The following TRHDE variants were observed in gnomAD, a reference collection of about 807,000 sequenced individuals.
TRHDE encodes the protein thyrotropin releasing hormone degrading enzyme, also known as thyrotropin-releasing hormone-degrading ectoenzyme.
Under a neutral mutation model 125.7 loss-of-function variants are expected in TRHDE, and 72 were observed. That is an observed-to-expected ratio of 0.57 (90% CI 0.47 to 0.70). The LOEUF is 0.70. TRHDE is among the 30% of genes least tolerant of loss of function. The pLI is 0.00. For missense variants in TRHDE, 1,110 were observed against 1,327.1 expected, an observed-to-expected ratio of 0.84 and a Z score of 2.54; for synonymous variants, 509 against 509.1, an observed-to-expected ratio of 1.00 and a Z score of 0.00.
At chr12:72,316,561 G>A (rs1017929798) in intron 2 of TRHDE, among the ~76,000 whole-genome samples, 4 of 152,042 alleles carry the variant, frequency 2.6e-5, no homozygotes, top group African/African-American at 9.7e-5. Flanking sequence ...ACCTCATTCC[G>A]AAAGGAAAGT....
At position 72,670,542 on chromosome 12, in the gene TRHDE, T is replaced by A. The variant is rs1875221874; in HGVS notation, c.*7347T>A. On this transcript the variant is annotated 3_prime_UTR_variant, in exon 19 of 19. Coordinates refer to ENST00000261180, the MANE Select transcript of TRHDE (RefSeq NM_013381.3). The stretch of plus-strand genomic sequence containing the variant: ...CCAAAATAAATAATACCATCTGTTT[T>A]TTTCACTTGAAAATACATTTTTAAA... The A allele has an allele frequency of 6.6e-6, 1 of 151,740 alleles. No individual in the cohort carries two copies. The highest frequency in any genetic ancestry group is 2.1e-4 in the South Asian group (1 of 4,836). The allele number at this position is 151,740 out of a possible 1,614,324, so 9.4% of individuals were successfully genotyped here.
intron 6 of TRHDE, among the ~76,000 whole-genome samples, chr12:72,538,578 A>G (rs1868985403): frequency 6.6e-6 from 1 of 152,038 alleles, no homozygotes; most frequent in East Asian, 1.9e-4. Flanking sequence ...CAATTTATCT[A>G]TTCAATCGTA....
At position 72,383,298 on chromosome 12, in the gene TRHDE, T is replaced by C. The variant is rs768938556; in HGVS notation, c.1315+5177T>C. Among the ~76,000 whole-genome samples, 100 of 152,040 alleles carry C rather than the reference T, an allele frequency of 6.6e-4. 1 individual carries two copies. Among genetic ancestry groups the C allele is most frequent in the Middle Eastern group, 6.8e-3 (2 of 294 alleles). On this transcript the variant is annotated intron_variant, in intron 3 of 18. Coordinates refer to ENST00000261180, the MANE Select transcript of TRHDE (RefSeq NM_013381.3). ...TTTTTATATCCCAAAAGCATATCGA[T>C]AACAATGACAACTATTTGTGTTTAC...
intron 2 of TRHDE, among the ~76,000 whole-genome samples, chr12:72,210,570 G>T (rs1300430012): frequency 6.6e-6 from 1 of 152,092 alleles, no homozygotes. Flanking sequence ...AATATGAAAT[G>T]AATATATGTC....
At chr12:72,374,891 G>C (rs1406943043) in intron 2 of TRHDE, among the ~76,000 whole-genome samples, 2 of 152,174 alleles carry the variant, frequency 1.3e-5, no homozygotes, top group Admixed American at 1.3e-4. Flanking sequence ...GTCTCAGGTT[G>C]TAAGTATTCT....
chr12:72,654,626 T>A (rs1362073716), intron 17 of TRHDE, among the ~76,000 whole-genome samples: 1 of 152,140 alleles, frequency 6.6e-6, no homozygotes, highest in East Asian at 1.9e-4. Flanking sequence ...TCTTTTATCC[T>A]CCTTTTCTCA....
intron 7 of TRHDE, among the ~76,000 whole-genome samples, chr12:72,558,537 G>A (rs1870028129): frequency 6.6e-6 from 1 of 152,114 alleles, no homozygotes; most frequent in Non-Finnish European, 1.5e-5. Context: ...AAGGAGTTTG[G>A]ACTATATTCT....
At chr12:72,639,871 C>T (rs1455795146) in intron 15 of TRHDE, among the ~76,000 whole-genome samples, 5 of 152,142 alleles carry the variant, frequency 3.3e-5, no homozygotes, top group African/African-American at 4.8e-5. Context: ...CTCAGATCTC[C>T]AGCTGCGTGC....
chr12:72,222,827 C>G (rs634057), intron 2 of TRHDE, among the ~76,000 whole-genome samples: 1 of 152,080 alleles, frequency 6.6e-6, no homozygotes, highest in Non-Finnish European at 1.5e-5. Context: ...TTCAGCCAGC[C>G]TGCACCTCTA....
At chr12:72,107,540 T>C (rs1288559399) in intron 2 of TRHDE, among the ~76,000 whole-genome samples, 1 of 152,170 alleles carries the variant, frequency 6.6e-6, no homozygotes, top group Admixed American at 6.6e-5. Flanking sequence ...AGGTGAACTC[T>C]CTTTCTGAAC....
intron 15 of TRHDE, among the ~76,000 whole-genome samples, chr12:72,650,364 G>T (rs945273102): frequency 7.9e-5 from 12 of 152,118 alleles, no homozygotes; most frequent in African/African-American, 2.9e-4. Flanking sequence ...GTTGCCAGGG[G>T]CTGGGTACTT....
At chr12:72,207,370 T>C (rs1243524894) in intron 2 of TRHDE, among the ~76,000 whole-genome samples, 3 of 152,114 alleles carry the variant, frequency 2.0e-5, no homozygotes, top group Non-Finnish European at 4.4e-5. Flanking sequence ...AATTAAAAGG[T>C]CACAGTTGAA....
chr12:72,469,632 C>G, intron 3 of TRHDE, 126 bp from the exon 4 acceptor site: 1 of 1,041,832 alleles, frequency 9.6e-7, no homozygotes, highest in South Asian at 1.5e-5. Flanking sequence ...GTTTAATTTG[C>G]CAAAAAAATC....
chr12:72,575,399 G>T lies in TRHDE; in HGVS notation c.2265+11G>T. Reference sequence around the variant, plus strand: ...ATCCGGAATCATGAGGTACACTCCAGATTTGCTTATCAAAGATAATTTTTG... The same window carrying T: ...ATCCGGAATCATGAGGTACACTCCATATTTGCTTATCAAAGATAATTTTTG... On this transcript the variant is annotated intron_variant, in intron 11 of 18. Transcript: ENST00000261180. The T allele has an allele frequency of 6.2e-7, 1 of 1,613,524 alleles. No individual in the cohort carries two copies. The highest frequency in any genetic ancestry group is 8.5e-7 in the Non-Finnish European group (1 of 1,179,660).
chr12:72,480,072 T>C (rs1295691264), intron 5 of TRHDE, among the ~76,000 whole-genome samples: 3 of 150,956 alleles, frequency 2.0e-5, no homozygotes, highest in African/African-American at 7.3e-5. Flanking sequence ...TTGTTGGACA[T>C]TTGGGTTGGT....
intron 2 of TRHDE, among the ~76,000 whole-genome samples, chr12:72,139,776 A>G (rs552151074): frequency 6.6e-6 from 1 of 152,192 alleles, no homozygotes; most frequent in Admixed American, 6.5e-5. Context: ...CCCCCAACCA[A>G]CCGAATGGAC....
intron 12 of TRHDE, among the ~76,000 whole-genome samples, chr12:72,615,933 T>C (rs185567667): frequency 7.1e-4 from 108 of 152,204 alleles, no homozygotes; most frequent in Admixed American, 2.0e-3. Flanking sequence ...AAATAGCTAA[T>C]GGGAGATGTC....
At chr12:72,270,620 T>A (rs757221826), upstream of TRHDE, among the ~76,000 whole-genome samples, 1 of 150,706 alleles carries the variant, frequency 6.6e-6, no homozygotes, top group African/African-American at 2.5e-5. Context: ...GAAAGAAACA[T>A]GTAAAAAGGA....
intron 2 of TRHDE, among the ~76,000 whole-genome samples, chr12:72,331,995 G>A (rs1317067953): frequency 6.6e-6 from 1 of 152,168 alleles, no homozygotes; most frequent in Non-Finnish European, 1.5e-5. Flanking sequence ...TCACTGTTCT[G>A]TAGGCTTTAC....
Sources: gnomAD v4.1 joint callset for allele counts (sites outside exome capture counted in the v4.1 genomes callset) on GRCh38, gnomAD v4.1.1 for gene constraint, MANE v1.5 for transcripts, NCBI Gene and HGNC (gene_info 2026-07-23, HGNC 2026-07-21) for gene names.